Variants in TUSC3 observed in about 807,000 individuals in gnomAD.
The protein encoded by TUSC3 is dolichyl-diphosphooligosaccharide--protein glycosyltransferase subunit TUSC3.
TUSC3 carries 45 observed loss-of-function variants against 44.8 expected under a neutral mutation model. The observed-to-expected ratio is 1.00, with a 90% CI of 0.79 to 1.29. The LOEUF is 1.29. TUSC3 is among the 50% of genes most tolerant of loss of function. The pLI, the probability that TUSC3 is intolerant of heterozygous loss-of-function variation, is 0.00. For synonymous variants in TUSC3, 212 were observed against 152.9 expected, an observed-to-expected ratio of 1.39 and a Z score of -2.85; for missense variants, 519 against 437.9, an observed-to-expected ratio of 1.19 and a Z score of -1.65.
the TUSC3 span, among the ~76,000 whole-genome samples, chr8:15,819,698 C>T: frequency 0.17 from 26,270 of 152,048 alleles, 2,425 homozygotes; most frequent in Admixed American, 0.28. Context: ...TCACTGAGTG[C>T]GACTTGACTT....
intron 5 of TUSC3, 25 bp from the exon 6 acceptor site, chr8:15,673,722 T>G (rs775999352): frequency 1.3e-6 from 2 of 1,569,274 alleles, no homozygotes; most frequent in East Asian, 2.2e-5. Context: ...GTTTACATAT[T>G]GAAACACTGC....
chr8:15,435,002 G>A (rs1413206235), intron 1 of TUSC3, among the ~76,000 whole-genome samples: 6 of 148,634 alleles, frequency 4.0e-5, no homozygotes, highest in Admixed American at 6.6e-5. Flanking sequence ...ACATACGTGT[G>A]CATGTGTCTT....
chr8:15,599,391 C>T lies in TUSC3; in HGVS notation c.139-23689C>T, dbSNP rs78651194. On this transcript the variant is annotated intron_variant, in intron 1 of 10. Transcript: ENST00000503731. ...CAGTTTGTGAGTCGTCTTCTTATTT[C>T]GTTCACCATTTCTTTTGGAGAGCAG... 9.8e-3 allele frequency among the ~76,000 whole-genome samples: 1,489 copies of T among 151,662 alleles called. 53 individuals carry two copies. The highest frequency in any genetic ancestry group is 0.06 in the East Asian group (311 of 5,156).
intron 2 of TUSC3, among the ~76,000 whole-genome samples, chr8:15,623,769 T>C (rs1805361210): frequency 6.6e-6 from 1 of 152,152 alleles, no homozygotes; most frequent in Non-Finnish European, 1.5e-5. Flanking sequence ...CAAACACTTT[T>C]TTAAATTGAA....
intron 1 of TUSC3, among the ~76,000 whole-genome samples, chr8:15,597,562 A>C (rs906541563): frequency 6.6e-6 from 1 of 152,116 alleles, no homozygotes; most frequent in Non-Finnish European, 1.5e-5. Flanking sequence ...TCAAGCCTAT[A>C]AAATATGAAT....
intron 6 of TUSC3, among the ~76,000 whole-genome samples, chr8:15,678,605 A>C (rs1044446331): frequency 6.6e-6 from 1 of 152,350 alleles, no homozygotes; most frequent in Non-Finnish European, 1.5e-5. Flanking sequence ...AAGAACATCT[A>C]TCTCTATAGG....
chr8:15,630,734 G>A (rs1380870876), intron 2 of TUSC3, among the ~76,000 whole-genome samples: 3 of 152,066 alleles, frequency 2.0e-5, no homozygotes, highest in African/African-American at 7.2e-5. Flanking sequence ...TGATCTCTCC[G>A]CCAGCATATC....
intron 5 of TUSC3, among the ~76,000 whole-genome samples, chr8:15,664,677 A>G (rs999243979): frequency 2.7e-5 from 4 of 149,696 alleles, no homozygotes; most frequent in Non-Finnish European, 5.9e-5. Context: ...AAATTCAACA[A>G]CGTTTGTAAT....
At chr8:15,735,002 T>C (rs1563196652) in intron 7 of TUSC3, among the ~76,000 whole-genome samples, 1 of 152,150 alleles carries the variant, frequency 6.6e-6, no homozygotes, top group Admixed American at 6.5e-5. Context: ...ATATTTGGCA[T>C]TGGGTAACTT....
At chr8:15,576,277 TTG>T (rs1274438253) in intron 1 of TUSC3, among the ~76,000 whole-genome samples, 2 of 140,204 alleles carry the variant, frequency 1.4e-5, no homozygotes, top group African/African-American at 2.6e-5. Flanking sequence ...CTTGGTCCTC[TTG>T]TTTTTTTTTT....
intron 3 of TUSC3, among the ~76,000 whole-genome samples, chr8:15,658,931 G>T (rs984995692): frequency 6.6e-6 from 1 of 151,988 alleles, no homozygotes; most frequent in Non-Finnish European, 1.5e-5. Flanking sequence ...GTTATTTGAG[G>T]ATTTCTTCTT....
chr8:15,816,885 G>C, the TUSC3 span, among the ~76,000 whole-genome samples: 1 of 152,154 alleles, frequency 6.6e-6, no homozygotes, highest in Non-Finnish European at 1.5e-5. Flanking sequence ...AGCAGAACCA[G>C]CTCCCCAATG....
At chr8:15,676,575 G>T (rs1441236154) in intron 6 of TUSC3, among the ~76,000 whole-genome samples, 1 of 152,050 alleles carries the variant, frequency 6.6e-6, no homozygotes, top group Non-Finnish European at 1.5e-5. Context: ...GTATTTCCTG[G>T]GTTGTTCCAG....
intron 1 of TUSC3, among the ~76,000 whole-genome samples, chr8:15,608,901 A>G (rs1804646496): frequency 6.6e-6 from 1 of 152,184 alleles, no homozygotes. Flanking sequence ...CAAAATAACC[A>G]AAAGAAATCT....
chr8:15,836,222 T>A, the TUSC3 span, among the ~76,000 whole-genome samples: 1 of 151,962 alleles, frequency 6.6e-6, no homozygotes, highest in South Asian at 2.1e-4. Context: ...ATGCCTGTAA[T>A]CCCAGCACTT....
rs1808058570 is a variant in TUSC3, at chr8:15,673,738, G to T, written c.709-9G>T. On this transcript the variant is annotated splice_polypyrimidine_tract_variant and intron_variant, in intron 5 of 10. Coordinates refer to ENST00000503731, the MANE Select transcript of TUSC3 (RefSeq NM_006765.4). ...TTTACATATTGAAACACTGCACCCTGTTTTTCAGTGTATAGTCTTTGCTAT... is the reference window on the plus strand; with the variant it reads ...TTTACATATTGAAACACTGCACCCTTTTTTTCAGTGTATAGTCTTTGCTAT... 3 of 1,608,624 alleles carry T rather than the reference G, an allele frequency of 1.9e-6. No homozygotes were observed. Among genetic ancestry groups the T allele is most frequent in the Non-Finnish European group, 2.6e-6 (3 of 1,175,494 alleles).
chr8:15,649,012 G>A (rs1038280491), intron 2 of TUSC3, among the ~76,000 whole-genome samples: 3 of 152,128 alleles, frequency 2.0e-5, no homozygotes, highest in East Asian at 3.9e-4. Context: ...AGGCTAGGTC[G>A]TTAGCTTGCA....
intron 6 of TUSC3, among the ~76,000 whole-genome samples, chr8:15,728,650 C>T (rs555516201): frequency 1.4e-4 from 21 of 152,158 alleles, no homozygotes; most frequent in Non-Finnish European, 1.8e-4. Context: ...TCAGGAGTTT[C>T]GTTTTAGCTG....
intron 1 of TUSC3, among the ~76,000 whole-genome samples, chr8:15,588,617 C>G (rs896191153): frequency 6.6e-6 from 1 of 152,050 alleles, no homozygotes; most frequent in Non-Finnish European, 1.5e-5. Context: ...GTCTTATCAA[C>G]AAAATCTTTG....
Sources: allele counts gnomAD v4.1 joint callset (sites outside exome capture counted in the v4.1 genomes callset), GRCh38; gene constraint gnomAD v4.1.1; transcripts MANE v1.5; gene names NCBI Gene and HGNC (gene_info 2026-07-23, HGNC 2026-07-21).